DYDC1: variants seen among roughly 807,000 people sequenced by gnomAD.
DYDC1 encodes the protein DPY30 domain-containing protein 1.
Under a neutral mutation model 27.9 loss-of-function variants are expected in DYDC1, and 21 were observed. That is an observed-to-expected ratio of 0.75 (90% confidence interval 0.53 to 1.08). The LOEUF is 1.08. Ranked by LOEUF, DYDC1 falls within the 50% of genes least tolerant of loss-of-function variation. The pLI is 0.00. For synonymous variants in DYDC1, 67 were observed against 65.8 expected (o/e 1.02, Z -0.09); for missense variants, 202 against 205.9 (o/e 0.98, Z 0.12).
At position 80,346,444 on chromosome 10, in the gene DYDC1, C is replaced by CTTTTTTTTTTTTTTTTTT. The variant is rs1032729095; in HGVS notation, c.250-4101_250-4084dup. 3.0e-3 allele frequency among the ~76,000 whole-genome samples: 247 copies of CTTTTTTTTTTTTTTTTTT among 83,362 alleles called. 33 individuals are homozygous for CTTTTTTTTTTTTTTTTTT. Among genetic ancestry groups the CTTTTTTTTTTTTTTTTTT allele is most frequent in the African/African-American group, 0.011 (227 of 20,118 alleles). The allele number at this position is 83,362 out of a possible 152,430, so 54.7% of individuals were successfully genotyped here. A position where few individuals can be genotyped will look rare whatever the true frequency, so the allele number is the denominator to read the frequency against. ...TCACCAATGTGTGTCTCTTCCCTTT[C>CTTTTTTTTTTTTTTTTTT]TTTTTTTTTTTTTTTTTTTTTTTTT... On this transcript the variant is annotated intron_variant, in intron 3 of 6. Coordinates refer to ENST00000372202, the MANE Select transcript of DYDC1 (RefSeq NM_001269053.2).
At chr10:80,355,595 T>A (rs906208224) in intron 1 of DYDC1, among the ~76,000 whole-genome samples, 2 of 152,130 alleles carry the variant, frequency 1.3e-5, no homozygotes, top group African/African-American at 4.8e-5. Flanking sequence ...TTCATCAAAT[T>A]GGGGATTAAT....
At chr10:80,346,973 A>C (rs1589510072) in intron 3 of DYDC1, among the ~76,000 whole-genome samples, 1 of 151,934 alleles carries the variant, frequency 6.6e-6, no homozygotes, top group African/African-American at 2.4e-5. Context: ...CCAGCTACTC[A>C]GGAGGCTGAG....
chr10:80,337,073 C>T, intron 6 of DYDC1: 1 of 962,316 alleles, frequency 1.0e-6, no homozygotes, highest in Non-Finnish European at 1.2e-6. Flanking sequence ...CACCATTTTC[C>T]TAGCTCCATG....
rs571517870 is a variant in DYDC1 at position 80,349,577 on chromosome 10, T to C, written c.249+2324A>G. 2.6e-4 allele frequency among the ~76,000 whole-genome samples: 40 copies of C among 152,336 alleles called. 1 individual carries two copies. In the South Asian group the frequency reaches 8.3e-3, roughly 32 times the overall value. ...GTAATTTCTTAGTATTCCTATATTA[T>C]CACTACTAAGATAAAAGTGATGGGG... On this transcript the variant is annotated intron_variant, in intron 3 of 6. Transcript: ENST00000372202.
At chr10:80,344,473 G>A (rs1457360025) in intron 3 of DYDC1, among the ~76,000 whole-genome samples, 1 of 152,186 alleles carries the variant, frequency 6.6e-6, no homozygotes. Flanking sequence ...CTCAGTTGTT[G>A]TTTATGGAAA....
chr10:80,341,103 T>C (rs1251654923), intron 4 of DYDC1, among the ~76,000 whole-genome samples: 2 of 152,040 alleles, frequency 1.3e-5, no homozygotes, highest in Non-Finnish European at 2.9e-5. Context: ...GCTTTAATTA[T>C]GGAATAAAAA....
rs1843052867 is a variant in DYDC1, at chr10:80,352,442, G to T, written c.147+13C>A. ...TTTTTCTTCTAATTTCCTAGAAGGA[G>T]ATTCCTACTTACCAGTTGTTCCATG... On this transcript the variant is annotated intron_variant, in intron 2 of 6. Coordinates refer to ENST00000372202, the MANE Select transcript of DYDC1 (RefSeq NM_001269053.2). The T allele has an allele frequency of 6.4e-7, 1 of 1,572,274 alleles. No homozygotes were observed. The highest frequency in any genetic ancestry group is 1.4e-5 in the African/African-American group (1 of 72,966).
rs896132509 is a variant in DYDC1, at chr10:80,350,336, T to C, written c.249+1565A>G. 4.6e-5 allele frequency among the ~76,000 whole-genome samples: 7 copies of C among 152,312 alleles called. No homozygotes were observed. In the South Asian group the frequency reaches 8.3e-4, roughly 18 times the overall value. ...AGAGTTATGTATCTCCCACTTACGA[T>C]GTAATTGCCTAGGGGAAGGAGAACC... On this transcript the variant is annotated intron_variant, in intron 3 of 6. Coordinates refer to ENST00000372202, the MANE Select transcript of DYDC1 (RefSeq NM_001269053.2).
chr10:80,345,782 G>C (rs1842580475), intron 3 of DYDC1, among the ~76,000 whole-genome samples: 1 of 151,954 alleles, frequency 6.6e-6, no homozygotes, highest in Non-Finnish European at 1.5e-5. Context: ...TCTTAAAGCT[G>C]AATAATATTC....
intron 3 of DYDC1, among the ~76,000 whole-genome samples, chr10:80,343,229 T>C (rs1279038726): frequency 1.3e-5 from 2 of 152,062 alleles, no homozygotes; most frequent in Non-Finnish European, 2.9e-5. Context: ...CGGTATGAAA[T>C]GTAAATTTCA....
At chr10:80,339,959 T>A (rs1842265090) in intron 4 of DYDC1, among the ~76,000 whole-genome samples, 1 of 152,198 alleles carries the variant, frequency 6.6e-6, no homozygotes, top group South Asian at 2.1e-4. Context: ...GATGGATATT[T>A]GACACAAACT....
At chr10:80,353,325 T>G (rs1447313797) in intron 1 of DYDC1, among the ~76,000 whole-genome samples, 1 of 151,782 alleles carries the variant, frequency 6.6e-6, no homozygotes, top group East Asian at 2.0e-4. Context: ...CATGTCTGGC[T>G]AATTTTTTTT....
rs748323862 is a variant in DYDC1 at position 80,339,162 on chromosome 10, T to C, written c.343-9A>G. 21 of 1,167,294 alleles carry C rather than the reference T, an allele frequency of 1.8e-5. No individual in the cohort carries two copies. Among genetic ancestry groups the C allele is most frequent in the Non-Finnish European group, 2.3e-5 (20 of 855,524 alleles). The allele number at this position is 1,167,294 out of a possible 1,614,324, so 72.3% of individuals were successfully genotyped here. A position where few individuals can be genotyped will look rare whatever the true frequency, so the allele number is the denominator to read the frequency against. Reference sequence around the variant, plus strand: ...ATATTCATTCTCATCTCCTATAATATATAAAAATTAAGAAAATACTTTGAA... The same window carrying C: ...ATATTCATTCTCATCTCCTATAATACATAAAAATTAAGAAAATACTTTGAA... On this transcript the variant is annotated splice_polypyrimidine_tract_variant and intron_variant, in intron 4 of 6. Transcript: ENST00000372202.
intron 1 of DYDC1, among the ~76,000 whole-genome samples, chr10:80,356,067 A>G (rs1183631506): frequency 1.3e-5 from 2 of 151,644 alleles, no homozygotes; most frequent in East Asian, 1.9e-4. Flanking sequence ...GAAGGGGACC[A>G]TTATCCCTAA....
At chr10:80,356,207 T>G in intron 1 of DYDC1, 1 of 969,454 alleles carries the variant, frequency 1.0e-6, no homozygotes, top group Non-Finnish European at 1.2e-6. Flanking sequence ...GAAACGAGGA[T>G]AATACCCATC....
chr10:80,347,178 A>G (rs1443532452), intron 3 of DYDC1, among the ~76,000 whole-genome samples: 1 of 150,628 alleles, frequency 6.6e-6, no homozygotes, highest in African/African-American at 2.4e-5. Flanking sequence ...GGTGTTGAAC[A>G]TTACTTGTCA....
intron 3 of DYDC1, among the ~76,000 whole-genome samples, chr10:80,343,451 G>A (rs1842424320): frequency 1.3e-5 from 2 of 152,032 alleles, no homozygotes; most frequent in South Asian, 2.1e-4. Flanking sequence ...ACTATACTGT[G>A]ACATTTAAAA....
At chr10:80,336,433 T>C in intron 6 of DYDC1, 1 of 823,986 alleles carries the variant, frequency 1.2e-6, no homozygotes, top group Non-Finnish European at 1.5e-6. Flanking sequence ...AGGCTCCTCT[T>C]CCTGTGGCCA....
intron 1 of DYDC1, chr10:80,356,409 CAGGGGT>C: frequency 1.0e-6 from 1 of 985,612 alleles, no homozygotes; most frequent in Non-Finnish European, 1.2e-6. Flanking sequence ...GGCACCCGGG[CAGGGGT>C]GCCAGATACA....
Sources: allele counts gnomAD v4.1 joint callset (sites outside exome capture counted in the v4.1 genomes callset), GRCh38; gene constraint gnomAD v4.1.1; transcripts MANE v1.5; gene names NCBI Gene and HGNC (gene_info 2026-07-23, HGNC 2026-07-21).